Variants in PTPRM observed in about 807,000 individuals in gnomAD.
PTPRM encodes the protein receptor-type tyrosine-protein phosphatase mu.
A neutral mutation model predicts 186.7 loss-of-function variants in PTPRM; 47 were observed. The observed-to-expected ratio is 0.25, with a 90% confidence interval of 0.20 to 0.32. PTPRM has a LOEUF of 0.32. Ranked by LOEUF, PTPRM falls within the 10% of genes least tolerant of loss-of-function variation. PTPRM has a pLI of 1.00. For synonymous variants in PTPRM, 668 were observed against 674.9 expected, an observed-to-expected ratio of 0.99 and a Z score of 0.16; for missense variants, 1,494 against 1,865.0, an observed-to-expected ratio of 0.80 and a Z score of 3.66.
At chr18:8,286,668 G>C (rs1448214962) in intron 19 of PTPRM, among the ~76,000 whole-genome samples, 2 of 152,152 alleles carry the variant, frequency 1.3e-5, no homozygotes, top group East Asian at 3.8e-4. Flanking sequence ...GGGTTATAAA[G>C]TTCCATACAA....
At chr18:8,182,429 T>G (rs1601061766) in intron 14 of PTPRM, among the ~76,000 whole-genome samples, 1 of 152,342 alleles carries the variant, frequency 6.6e-6, no homozygotes, top group African/African-American at 2.4e-5. Flanking sequence ...TTACGCAAGC[T>G]AAACTTGAGT....
At chr18:8,243,316 C>T (rs1026392113) in intron 14 of PTPRM, among the ~76,000 whole-genome samples, 5 of 152,174 alleles carry the variant, frequency 3.3e-5, no homozygotes, top group African/African-American at 9.7e-5. Context: ...AGAAGCCTTA[C>T]TCCTGCTGAA....
intron 1 of PTPRM, among the ~76,000 whole-genome samples, chr18:7,709,025 C>G (rs2040156229): frequency 6.6e-6 from 1 of 152,096 alleles, no homozygotes. Flanking sequence ...CAATTCCTCA[C>G]TTTAAAAAGC....
At position 7,751,300 on chromosome 18, in the gene PTPRM, C is replaced by G. The variant is rs543531303; in HGVS notation, c.74-22849C>G. On this transcript the variant is annotated intron_variant, in intron 1 of 32. Coordinates refer to ENST00000580170, the MANE Select transcript of PTPRM (RefSeq NM_001105244.2). ...CAGTCGCTTTCCACTGGACCCTCCC[C>G]TGACTCACTGTGCTGTTGTAAATAG... 5.2e-5 allele frequency: 8 copies of G among 152,442 alleles called. No individual in the cohort carries two copies. The East Asian group carries it at 1.5e-3, about 30-fold the overall frequency. 9.4% of individuals were successfully genotyped at this position (152,442 alleles called of 1,614,324 possible).
chr18:8,260,309 C>T (rs772978557), intron 19 of PTPRM, among the ~76,000 whole-genome samples: 4 of 152,054 alleles, frequency 2.6e-5, no homozygotes, highest in Admixed American at 2.0e-4. Context: ...ACTACAGGCA[C>T]GCACCACCAA....
At chr18:8,121,141 A>T (rs73387789) in intron 13 of PTPRM, among the ~76,000 whole-genome samples, 3,289 of 152,330 alleles carry the variant, frequency 0.022, 104 homozygotes, top group African/African-American at 0.075. Context: ...ATGTTCATTA[A>T]TAATGTGTGA....
At chr18:8,183,396 G>A (rs1389906340) in intron 14 of PTPRM, among the ~76,000 whole-genome samples, 1 of 152,170 alleles carries the variant, frequency 6.6e-6, no homozygotes, top group Non-Finnish European at 1.5e-5. Flanking sequence ...AGACAAAAAA[G>A]AGGCAGGAAA....
At chr18:8,083,887 T>C (rs984228102) in intron 9 of PTPRM, among the ~76,000 whole-genome samples, 12 of 152,168 alleles carry the variant, frequency 7.9e-5, no homozygotes, top group African/African-American at 2.9e-4. Flanking sequence ...GAAAGGAATA[T>C]AATGGTGTAG....
At chr18:7,892,109 G>A (rs2049112930) in intron 3 of PTPRM, among the ~76,000 whole-genome samples, 1 of 152,174 alleles carries the variant, frequency 6.6e-6, no homozygotes, top group Non-Finnish European at 1.5e-5. Context: ...TGAGGCCAGT[G>A]GACAGCACTC....
intron 1 of PTPRM, among the ~76,000 whole-genome samples, chr18:7,580,754 A>G (rs2143491603): frequency 6.6e-6 from 1 of 152,332 alleles, no homozygotes; most frequent in South Asian, 2.1e-4. Flanking sequence ...TGTCATCCGA[A>G]CGTGGGGTAC....
At chr18:8,161,640 G>A (rs1568445450) in intron 14 of PTPRM, among the ~76,000 whole-genome samples, 1 of 152,072 alleles carries the variant, frequency 6.6e-6, no homozygotes, top group Admixed American at 6.5e-5. Context: ...ATTCTTAATT[G>A]TATTTTTAAG....
chr18:7,598,773 T>C (rs2037327685), intron 1 of PTPRM, among the ~76,000 whole-genome samples: 1 of 146,762 alleles, frequency 6.8e-6, no homozygotes, highest in East Asian at 2.1e-4. Context: ...AGAATTTAGT[T>C]CTGAATTCCT....
chr18:8,248,042 C>G (rs977278033), intron 16 of PTPRM, 108 bp from the exon 17 acceptor site: 10 of 1,350,842 alleles, frequency 7.4e-6, no homozygotes, highest in Non-Finnish European at 8.5e-6. Context: ...TAACCCAATG[C>G]GTTTCTACAG....
intron 10 of PTPRM, among the ~76,000 whole-genome samples, chr18:8,086,772 T>G (rs2090455278): frequency 6.6e-6 from 1 of 152,184 alleles, no homozygotes; most frequent in Non-Finnish European, 1.5e-5. Flanking sequence ...TAGAGTATTG[T>G]AAGTGTTTGG....
chr18:8,100,300 C>A (rs1041694066), intron 11 of PTPRM, among the ~76,000 whole-genome samples: 3 of 152,074 alleles, frequency 2.0e-5, no homozygotes, highest in Non-Finnish European at 4.4e-5. Flanking sequence ...TACCACCATG[C>A]CTGGCTAATT....
intron 1 of PTPRM, among the ~76,000 whole-genome samples, chr18:7,710,207 T>C (rs188033574): frequency 3.9e-5 from 6 of 152,176 alleles, no homozygotes; most frequent in Non-Finnish European, 8.8e-5. Context: ...CATGATCAAG[T>C]GGGTTTCATA....
At chr18:7,924,885 G>T (rs1478849736) in intron 4 of PTPRM, among the ~76,000 whole-genome samples, 3 of 152,216 alleles carry the variant, frequency 2.0e-5, no homozygotes, top group Admixed American at 6.5e-5. Context: ...GAAGACTGGG[G>T]AGAGGCACTG....
chr18:7,719,425 G>T (rs1280293798), intron 1 of PTPRM, among the ~76,000 whole-genome samples: 1 of 152,018 alleles, frequency 6.6e-6, no homozygotes, highest in Non-Finnish European at 1.5e-5. Flanking sequence ...ATGACATATT[G>T]GGTACAGTGT....
intron 14 of PTPRM, among the ~76,000 whole-genome samples, chr18:8,240,784 G>C (rs1247718026): frequency 3.6e-5 from 1 of 28,070 alleles, no homozygotes; most frequent in Non-Finnish European, 7.6e-5. Context: ...GAGGGAGAGA[G>C]AGAGAGAGAG....
Sources: gnomAD v4.1 joint callset for allele counts (sites outside exome capture counted in the v4.1 genomes callset) on GRCh38, gnomAD v4.1.1 for gene constraint, MANE v1.5 for transcripts, NCBI Gene and HGNC (gene_info 2026-07-23, HGNC 2026-07-21) for gene names.